Variants in BRINP1 observed in about 807,000 individuals in gnomAD.
The protein encoded by BRINP1 is BMP/retinoic acid-inducible neural-specific protein 1.
BRINP1 carries 17 observed loss-of-function variants against 72.9 expected under a neutral mutation model. The ratio of observed to expected loss-of-function variants is 0.23; its 90% CI spans 0.16 to 0.35. BRINP1 has a LOEUF of 0.35. BRINP1 is among the 10% of genes least tolerant of loss of function. The pLI is 1.00. For missense variants in BRINP1, 850 were observed against 1,001.6 expected (o/e 0.85, Z 2.04); for synonymous variants, 418 against 378.5 (o/e 1.10, Z -1.21).
chr9:119,252,112 C>T (rs1489414409), intron 2 of BRINP1, among the ~76,000 whole-genome samples: 1 of 152,156 alleles, frequency 6.6e-6, no homozygotes. Flanking sequence ...CTCTCACTCG[C>T]TGCCATGCTG....
intron 2 of BRINP1, among the ~76,000 whole-genome samples, chr9:119,255,207 A>G (rs1830433965): frequency 6.6e-6 from 1 of 152,252 alleles, no homozygotes. Context: ...AACATAAAAT[A>G]TATCTTTCCT....
intron 1 of BRINP1, among the ~76,000 whole-genome samples, chr9:119,328,582 TGG>T (rs1290893934): frequency 1.3e-5 from 2 of 152,124 alleles, no homozygotes; most frequent in Non-Finnish European, 2.9e-5. Flanking sequence ...TGGGATAGGG[TGG>T]CCAAACTCTG....
intron 7 of BRINP1, among the ~76,000 whole-genome samples, chr9:119,192,141 A>G (rs1014329705): frequency 6.6e-6 from 1 of 151,948 alleles, no homozygotes; most frequent in Non-Finnish European, 1.5e-5. Flanking sequence ...TCTGAAACCC[A>G]AAAAACTCCT....
chr9:119,263,845 T>C (rs542028943), intron 2 of BRINP1, among the ~76,000 whole-genome samples: 57 of 152,206 alleles, frequency 3.7e-4, no homozygotes, highest in African/African-American at 1.4e-3. Context: ...CCTGACCTTG[T>C]GATCCGCCCG....
intron 5 of BRINP1, among the ~76,000 whole-genome samples, chr9:119,224,091 T>C (rs1038432708): frequency 2.6e-5 from 4 of 152,074 alleles, no homozygotes; most frequent in African/African-American, 9.7e-5. Flanking sequence ...TTTACCACTT[T>C]ATTAAGCCAG....
At chr9:119,231,644 C>T (rs1273085271) in intron 5 of BRINP1, among the ~76,000 whole-genome samples, 2 of 152,100 alleles carry the variant, frequency 1.3e-5, no homozygotes, top group African/African-American at 2.4e-5. Flanking sequence ...ATATCATCCT[C>T]AGTTCTCAGT....
intron 2 of BRINP1, among the ~76,000 whole-genome samples, chr9:119,303,356 A>T (rs922406743): frequency 6.8e-6 from 1 of 146,226 alleles, no homozygotes; most frequent in Non-Finnish European, 1.5e-5. Flanking sequence ...ATTGCCATGG[A>T]TGTTCTTGGG....
At chr9:119,328,426 G>A (rs542020328) in intron 1 of BRINP1, among the ~76,000 whole-genome samples, 2 of 152,306 alleles carry the variant, frequency 1.3e-5, no homozygotes, top group South Asian at 2.1e-4. Context: ...CCCTACCAGA[G>A]AGGGAAGCCA....
intron 7 of BRINP1, among the ~76,000 whole-genome samples, chr9:119,169,011 T>C (rs922018315): frequency 6.6e-6 from 1 of 152,228 alleles, no homozygotes; most frequent in Non-Finnish European, 1.5e-5. Context: ...TAAATCATTC[T>C]ACTATAAAGA....
chr9:119,181,358 G>C (rs190671775), intron 7 of BRINP1, among the ~76,000 whole-genome samples: 66 of 152,298 alleles, frequency 4.3e-4, no homozygotes, highest in Admixed American at 1.2e-3. Context: ...TCACAGGTGA[G>C]AGAGTAAGTT....
intron 5 of BRINP1, among the ~76,000 whole-genome samples, chr9:119,228,271 T>C (rs893038491): frequency 6.6e-6 from 1 of 151,796 alleles, no homozygotes; most frequent in Non-Finnish European, 1.5e-5. Context: ...AAAACTCAAT[T>C]CAGCAATTCA....
At chr9:119,171,329 A>G (rs1487913865) in intron 7 of BRINP1, among the ~76,000 whole-genome samples, 1 of 129,774 alleles carries the variant, frequency 7.7e-6, no homozygotes, top group Non-Finnish European at 1.6e-5. Context: ...AGGGGTTGCA[A>G]TCCTAGTCTC....
chr9:119,320,519 G>A (rs1831175326), intron 1 of BRINP1, among the ~76,000 whole-genome samples: 3 of 152,150 alleles, frequency 2.0e-5, no homozygotes, highest in African/African-American at 7.2e-5. Context: ...CTGACTCTAC[G>A]TGTGGTGAGT....
At chr9:119,340,989 C>T (rs1831399910) in intron 1 of BRINP1, among the ~76,000 whole-genome samples, 1 of 152,168 alleles carries the variant, frequency 6.6e-6, no homozygotes, top group South Asian at 2.1e-4. Flanking sequence ...TTATCAGCTC[C>T]AATCCCTGGC....
chr9:119,265,941 G>A (rs1830544767), intron 2 of BRINP1, among the ~76,000 whole-genome samples: 1 of 152,150 alleles, frequency 6.6e-6, no homozygotes, highest in Non-Finnish European at 1.5e-5. Flanking sequence ...TTTTCAACCA[G>A]TGGTTTTTAA....
chr9:119,313,407 T>G lies in BRINP1; in HGVS notation c.-50-2A>C. The G allele has an allele frequency of 6.4e-7, 1 of 1,562,392 alleles. No individual in the cohort carries two copies. Among genetic ancestry groups the G allele is most frequent in the Non-Finnish European group, 8.6e-7 (1 of 1,156,960 alleles). Reference sequence around the variant, plus strand: ...ATTCTTGCTCCATTCTGTGGAGTCCTATAGAAGAAAGAATAAAAAAGAGAG... The same window carrying G: ...ATTCTTGCTCCATTCTGTGGAGTCCGATAGAAGAAAGAATAAAAAAGAGAG... On this transcript the variant is annotated splice_acceptor_variant, in intron 1 of 7. Transcript: ENST00000265922. LOFTEE classifies it low-confidence loss of function (5UTR_SPLICE).
chr9:119,210,880 C>G (rs1829916318), intron 6 of BRINP1, among the ~76,000 whole-genome samples: 1 of 152,170 alleles, frequency 6.6e-6, no homozygotes, highest in South Asian at 2.1e-4. Context: ...CTGCATCTAC[C>G]TAACTAGTTC....
Position 119,211,093 on chromosome 9 carries a change from G to A in BRINP1, c.923-2152C>T, listed in dbSNP as rs550064389. Among the ~76,000 whole-genome samples the A allele has an allele frequency of 3.3e-5, 5 of 152,278 alleles. No homozygotes were observed. The South Asian group carries it at 8.3e-4, about 25-fold the overall frequency. On this transcript the variant is annotated intron_variant, in intron 6 of 7. Transcript: ENST00000265922. ...AGAGGGCTCCGTGGATGTCAAAGGG[G>A]AAAGCAGGCCTTCAATGAACCCAAA...
At chr9:119,322,298 G>T (rs970554807) in intron 1 of BRINP1, among the ~76,000 whole-genome samples, 1 of 152,178 alleles carries the variant, frequency 6.6e-6, no homozygotes, top group Admixed American at 6.5e-5. Flanking sequence ...CAGGCCCATT[G>T]CTGCACAGGG....
Sources: allele counts gnomAD v4.1 joint callset (sites outside exome capture counted in the v4.1 genomes callset), GRCh38; gene constraint gnomAD v4.1.1; transcripts MANE v1.5; gene names NCBI Gene and HGNC (gene_info 2026-07-23, HGNC 2026-07-21).